Variants in ABCC1 observed in about 807,000 individuals in gnomAD.
ABCC1 encodes ATP binding cassette subfamily C member 1 (ABCC1 blood group), also known as multidrug resistance-associated protein 1.
ABCC1 carries 83 observed loss-of-function variants against 172.9 expected under a neutral mutation model. That is an observed-to-expected ratio of 0.48 (90% CI 0.40 to 0.58). The LOEUF (loss-of-function observed/expected upper bound fraction) is 0.58. Among genes scored for constraint, ABCC1 ranks in the 20% least tolerant of loss-of-function variants. The probability of loss-of-function intolerance (pLI) is 0.00; values close to 1 mark genes in which losing one functional copy is unlikely to be tolerated. For missense variants in ABCC1, 1,817 were observed against 2,002.7 expected (o/e 0.91, Z 1.77); for synonymous variants, 937 against 825.2 (o/e 1.14, Z -2.32).
intron 15 of ABCC1, among the ~76,000 whole-genome samples, chr16:16,078,556 A>G (rs1443792713): frequency 1.3e-5 from 2 of 152,150 alleles, no homozygotes; most frequent in African/African-American, 4.8e-5. Context: ...AGGTCTGGCC[A>G]CTACCTACCT....
chr16:16,068,389 C>T (rs1303440511), intron 13 of ABCC1, 87 bp downstream of exon 13: 4 of 1,480,768 alleles, frequency 2.7e-6, no homozygotes, highest in Non-Finnish European at 3.7e-6. Context: ...AGCGCAGCCT[C>T]TAGATCACAC....
rs553041010 is a variant in ABCC1, at chr16:16,050,512, G to GT, written c.1380+2209_1380+2210insT. 4.8e-5 allele frequency among the ~76,000 whole-genome samples: 7 copies of GT among 144,848 alleles called. No homozygotes were observed. In the South Asian group the frequency reaches 8.5e-4, roughly 18 times the overall value. The stretch of plus-strand genomic sequence containing the variant: ...TTACTGGTTTATTTGGCTGTAGTTT[G>GT]GTTTTTTTTTGTACATTTGTAGAGC... On this transcript the variant is annotated intron_variant, in intron 10 of 30. Coordinates refer to ENST00000399410, the MANE Select transcript of ABCC1 (RefSeq NM_004996.4).
chr16:15,999,981 A>AGTAGCTGG (rs1338290209), intron 1 of ABCC1, among the ~76,000 whole-genome samples: 1 of 149,538 alleles, frequency 6.7e-6, no homozygotes, highest in Non-Finnish European at 1.5e-5. Context: ...CAGCCTCCCG[A>AGTAGCTGG]GTAGCTGGGA....
chr16:16,052,227 T>C (rs1025501591), intron 10 of ABCC1, among the ~76,000 whole-genome samples: 4 of 151,524 alleles, frequency 2.6e-5, no homozygotes, highest in African/African-American at 9.7e-5. Flanking sequence ...TAGCTGGGCA[T>C]GGTGATGTGA....
intron 19 of ABCC1, among the ~76,000 whole-genome samples, chr16:16,100,320 G>A (rs4148363): frequency 6.6e-6 from 1 of 151,638 alleles, no homozygotes; most frequent in East Asian, 2.0e-4. Context: ...AGAAGTGAAG[G>A]CTGAGGCTTA....
chr16:15,993,195 A>G (rs535190344), intron 1 of ABCC1, among the ~76,000 whole-genome samples: 2 of 152,310 alleles, frequency 1.3e-5, no homozygotes, highest in South Asian at 2.1e-4. Context: ...AGGTCTAGGC[A>G]TATAGTAGGT....
chr16:15,988,929 C>T (rs543885835), intron 1 of ABCC1, among the ~76,000 whole-genome samples: 33 of 151,856 alleles, frequency 2.2e-4, no homozygotes, highest in African/African-American at 7.7e-4. Flanking sequence ...ATTAACCAGG[C>T]TTGGTGGTGT....
At chr16:16,045,766 A>T in intron 8 of ABCC1, 70 bp from the exon 9 acceptor site, 1 of 1,488,032 alleles carries the variant, frequency 6.7e-7, no homozygotes, top group Non-Finnish European at 9.2e-7. Flanking sequence ...TGCAGTGCCA[A>T]CACTGAAGCT....
At chr16:15,956,857 C>G (rs2046008762) in intron 1 of ABCC1, among the ~76,000 whole-genome samples, 1 of 151,974 alleles carries the variant, frequency 6.6e-6, no homozygotes, top group Admixed American at 6.6e-5. Flanking sequence ...ATGGCAGAGG[C>G]AGAAGCATAA....
intron 3 of ABCC1, among the ~76,000 whole-genome samples, chr16:16,011,768 C>G (rs2047793687): frequency 6.6e-6 from 1 of 152,048 alleles, no homozygotes; most frequent in Non-Finnish European, 1.5e-5. Flanking sequence ...CTCCTGGATT[C>G]AAGCGATTCT....
At chr16:16,068,919 A>G (rs1040860824) in intron 13 of ABCC1, among the ~76,000 whole-genome samples, 7 of 151,380 alleles carry the variant, frequency 4.6e-5, no homozygotes, top group African/African-American at 1.7e-4. Flanking sequence ...CCCAGGAGGA[A>G]GAGGTTGCAG....
intron 12 of ABCC1, among the ~76,000 whole-genome samples, chr16:16,062,710 C>T (rs1444322132): frequency 6.6e-6 from 1 of 152,120 alleles, no homozygotes; most frequent in Non-Finnish European, 1.5e-5. Context: ...CTGGAAGGTG[C>T]CTGAGTGTTT....
At chr16:16,138,271 T>G in intron 29 of ABCC1, 93 bp from the exon 30 acceptor site, 1 of 1,209,300 alleles carries the variant, frequency 8.3e-7, no homozygotes, top group African/African-American at 1.5e-5. Flanking sequence ...CAACATAGAG[T>G]GTCTCCTTTC....
At chr16:16,008,922 C>G in intron 2 of ABCC1, among the ~76,000 whole-genome samples, 1 of 134,120 alleles carries the variant, frequency 7.5e-6, no homozygotes, top group Admixed American at 8.1e-5. Context: ...CTCATAGTCA[C>G]TGTTTCCTGT....
rs999966350 is a variant in ABCC1 at position 16,109,701 on chromosome 16, T to C, written c.2872-1674T>C. On this transcript the variant is annotated intron_variant, in intron 21 of 30. Transcript: ENST00000399410. ...ATAGGAGGGAAAGAAACTCCAACCT[T>C]CACCTCCTGGAGCGAACTGGGCACT... Among the ~76,000 whole-genome samples the C allele has an allele frequency of 1.1e-4, 17 of 152,074 alleles. 1 individual carries two copies. Among genetic ancestry groups the C allele is most frequent in the South Asian group, 2.1e-4 (1 of 4,818 alleles).
intron 21 of ABCC1, among the ~76,000 whole-genome samples, chr16:16,110,912 T>C (rs919810041): frequency 6.6e-6 from 1 of 152,030 alleles, no homozygotes; most frequent in South Asian, 2.1e-4. Context: ...GTTTGTCTCT[T>C]TTTTTTGAGA....
At position 16,068,263 on chromosome 16, in the gene ABCC1, C is replaced by T. The variant is rs975659186; in HGVS notation, c.1785C>T (p.Pro595=). The T allele has an allele frequency of 6.2e-7, 1 of 1,614,034 alleles. No homozygotes were observed. The highest frequency in any genetic ancestry group is 8.5e-7 in the Non-Finnish European group (1 of 1,180,032). ...CCTTGTTCAACATCCTCCGGTTTCC[C>T]CTGAACATTCTCCCCATGGTCATCA... is the stretch of plus-strand genomic sequence containing the variant. The part of the protein sequence containing the change: ...SLALFNILRF[P]LNILPMVISS... Residue 595 remains proline, a synonymous_variant, in exon 13 of 31, where the codon CCC becomes CCT. Transcript: ENST00000399410.
intron 12 of ABCC1, 51 bp from the exon 13 acceptor site, chr16:16,068,105 G>C: frequency 6.2e-7 from 1 of 1,609,124 alleles, no homozygotes; most frequent in Non-Finnish European, 8.5e-7. Flanking sequence ...CTCCTAGGAT[G>C]ATGACTCTCA....
chr16:16,065,127 G>C (rs979509726), intron 12 of ABCC1, among the ~76,000 whole-genome samples: 10 of 152,228 alleles, frequency 6.6e-5, no homozygotes, highest in African/African-American at 2.4e-4. Flanking sequence ...GAAACAGTGG[G>C]AGTGAGGGGA....
Sources: allele counts gnomAD v4.1 joint callset (sites outside exome capture counted in the v4.1 genomes callset), GRCh38; gene constraint gnomAD v4.1.1; transcripts MANE v1.5; gene names NCBI Gene and HGNC (gene_info 2026-07-23, HGNC 2026-07-21).